CSMD1: variants seen among roughly 807,000 people sequenced by gnomAD.
CSMD1 encodes the protein CUB and Sushi multiple domains 1.
A neutral mutation model predicts 417.5 loss-of-function variants in CSMD1; 213 were observed. The observed-to-expected ratio is 0.51, with a 90% CI of 0.46 to 0.57. The LOEUF (loss-of-function observed/expected upper bound fraction) is 0.57. Ranked by LOEUF, CSMD1 falls within the 20% of genes least tolerant of loss-of-function variation. The probability of loss-of-function intolerance (pLI) is 0.00; values close to 1 mark genes in which losing one functional copy is unlikely to be tolerated. For synonymous variants in CSMD1, 2,862 were observed against 1,736.8 expected (o/e 1.65, Z -16.11); for missense variants, 6,923 against 4,529.7 (o/e 1.53, Z -15.17).
At chr8:3,873,562 G>A (rs190675792) in intron 5 of CSMD1, among the ~76,000 whole-genome samples, 48 of 152,170 alleles carry the variant, frequency 3.2e-4, no homozygotes, top group Non-Finnish European at 1.8e-4. Flanking sequence ...CAGGGTGGAC[G>A]GTGGGAGGAG....
intron 2 of CSMD1, among the ~76,000 whole-genome samples, chr8:4,608,785 G>A (rs1367405973): frequency 3.3e-5 from 5 of 152,146 alleles, no homozygotes; most frequent in Non-Finnish European, 5.9e-5. Flanking sequence ...AAAATACCTA[G>A]CTGAATGTGT....
chr8:2,965,291 G>C (rs1210797043), intron 59 of CSMD1, among the ~76,000 whole-genome samples: 4 of 152,178 alleles, frequency 2.6e-5, no homozygotes, highest in Admixed American at 6.5e-5. Context: ...TTCTCGGCCA[G>C]TGTCATCTTC....
In CSMD1 at chr8:4,607,698, G is replaced by T. The variant is rs141609270; in HGVS notation, c.302+29644C>A. 1.2e-3 allele frequency among the ~76,000 whole-genome samples: 187 copies of T among 152,184 alleles called. 1 individual carries two copies. Among genetic ancestry groups the T allele is most frequent in the African/African-American group, 4.3e-3 (179 of 41,514 alleles). Reference sequence around the variant, plus strand: ...TTCCACCTTTTTTCCAGCAATCTTCGTGAGTATTCCACCCCTTGGTTAAAG... The same window carrying T: ...TTCCACCTTTTTTCCAGCAATCTTCTTGAGTATTCCACCCCTTGGTTAAAG... On this transcript the variant is annotated intron_variant, in intron 2 of 69. Transcript: ENST00000635120.
At chr8:4,033,921 G>C (rs528705366) in intron 3 of CSMD1, among the ~76,000 whole-genome samples, 1 of 152,214 alleles carries the variant, frequency 6.6e-6, no homozygotes, top group South Asian at 2.1e-4. Flanking sequence ...CATATCTAAG[G>C]TTTAAATTTA....
intron 8 of CSMD1, among the ~76,000 whole-genome samples, chr8:3,602,471 T>A (rs1475728513): frequency 1.3e-5 from 2 of 152,144 alleles, no homozygotes; most frequent in African/African-American, 4.8e-5. Flanking sequence ...GGTTGGTCAT[T>A]GAACGTTCAC....
At chr8:3,392,802 G>A (rs1001672771) in intron 17 of CSMD1, among the ~76,000 whole-genome samples, 15 of 151,996 alleles carry the variant, frequency 9.9e-5, no homozygotes, top group African/African-American at 3.4e-4. Context: ...GGGTAAACGG[G>A]GACACCCTCT....
At chr8:4,813,650 A>G (rs1023942818) in intron 1 of CSMD1, among the ~76,000 whole-genome samples, 8 of 152,340 alleles carry the variant, frequency 5.3e-5, no homozygotes, top group Admixed American at 2.0e-4. Context: ...AATAACATCA[A>G]TTTACACGTT....
At chr8:4,899,682 C>T (rs991921441) in intron 1 of CSMD1, among the ~76,000 whole-genome samples, 6 of 152,294 alleles carry the variant, frequency 3.9e-5, no homozygotes, top group Non-Finnish European at 7.3e-5. Context: ...GAACAACTCT[C>T]ATTAAAATGT....
rs184401159 is a variant in CSMD1 at position 3,290,716 on chromosome 8, A to T, written c.3951-6370T>A. On this transcript the variant is annotated intron_variant, in intron 25 of 69. Coordinates refer to ENST00000635120, the MANE Select transcript of CSMD1 (RefSeq NM_033225.6). ...GCTGAAGTTGCTTATCAGCTTAAGG[A>T]GATTTTGGGCTGAGACAATGGGGTT... 6.5e-4 allele frequency among the ~76,000 whole-genome samples: 96 copies of T among 146,862 alleles called. 12 individuals are homozygous for T. The highest frequency in any genetic ancestry group is 2.5e-3 in the African/African-American group (91 of 36,738).
At chr8:3,139,227 T>G (rs1322657054) in intron 41 of CSMD1, among the ~76,000 whole-genome samples, 1 of 152,088 alleles carries the variant, frequency 6.6e-6, no homozygotes, top group Non-Finnish European at 1.5e-5. Flanking sequence ...TTATCAGCTG[T>G]GAATGGCCAT....
chr8:4,762,557 A>T (rs1025130114), intron 1 of CSMD1, among the ~76,000 whole-genome samples: 8 of 152,232 alleles, frequency 5.3e-5, no homozygotes, highest in African/African-American at 1.9e-4. Flanking sequence ...CATTTCAAAA[A>T]TTCATAGTCC....
chr8:4,321,082 G>A (rs10108628), intron 3 of CSMD1, among the ~76,000 whole-genome samples: 2 of 151,850 alleles, frequency 1.3e-5, no homozygotes, highest in African/African-American at 4.8e-5. Context: ...CTTGTCATAC[G>A]CTTATATTGA....
intron 10 of CSMD1, among the ~76,000 whole-genome samples, chr8:3,544,799 A>G (rs974252420): frequency 7.2e-5 from 11 of 152,124 alleles, no homozygotes; most frequent in African/African-American, 2.7e-4. Flanking sequence ...CTCTAATGAG[A>G]AAAGATATGA....
chr8:4,519,985 AG>A (rs1803352782), intron 2 of CSMD1, among the ~76,000 whole-genome samples: 1 of 150,998 alleles, frequency 6.6e-6, no homozygotes, highest in Admixed American at 6.6e-5. Flanking sequence ...ATTCAACCAA[AG>A]GTTATCAGAG....
chr8:4,242,039 C>A (rs1014193202), intron 3 of CSMD1, among the ~76,000 whole-genome samples: 3 of 152,068 alleles, frequency 2.0e-5, no homozygotes, highest in South Asian at 2.1e-4. Context: ...TACCTTTTGA[C>A]TTTGTGAAAT....
intron 2 of CSMD1, among the ~76,000 whole-genome samples, chr8:4,450,913 C>G (rs984785753): frequency 4.6e-5 from 7 of 151,988 alleles, no homozygotes; most frequent in African/African-American, 1.7e-4. Context: ...AAAATTAAAT[C>G]ATGGAGAGGA....
Position 3,959,148 on chromosome 8 carries a change from C to T in CSMD1, c.818+38755G>A, listed in dbSNP as rs2627493. 3.4e-4 allele frequency among the ~76,000 whole-genome samples: 52 copies of T among 152,134 alleles called. 1 individual carries two copies. In the East Asian group the frequency reaches 0.01, roughly 29 times the overall value. On this transcript the variant is annotated intron_variant, in intron 5 of 69. Coordinates refer to ENST00000635120, the MANE Select transcript of CSMD1 (RefSeq NM_033225.6). Reference sequence around the variant, plus strand: ...ACACCAGTCTTTACATATTTAAAAGCATAATTTGAGTATAAGAAGTTACAG... The same window carrying T: ...ACACCAGTCTTTACATATTTAAAAGTATAATTTGAGTATAAGAAGTTACAG...
At chr8:3,574,429 A>G (rs1342817656) in intron 10 of CSMD1, among the ~76,000 whole-genome samples, 1 of 152,080 alleles carries the variant, frequency 6.6e-6, no homozygotes, top group Non-Finnish European at 1.5e-5. Context: ...ATTTTTTAGT[A>G]GAGATGGGGT....
chr8:4,412,020 C>G (rs1796678340), intron 3 of CSMD1, among the ~76,000 whole-genome samples: 2 of 124,510 alleles, frequency 1.6e-5, no homozygotes, highest in African/African-American at 5.7e-5. Flanking sequence ...GTGTGTGTAG[C>G]CAGGGCAAAT....
Sources: gnomAD v4.1 joint callset for allele counts (sites outside exome capture counted in the v4.1 genomes callset) on GRCh38, gnomAD v4.1.1 for gene constraint, MANE v1.5 for transcripts, NCBI Gene and HGNC (gene_info 2026-07-23, HGNC 2026-07-21) for gene names.